The following GRM1 variants were observed in gnomAD, a reference collection of about 807,000 sequenced individuals.
The protein encoded by GRM1 is glutamate metabotropic receptor 1, also known as metabotropic glutamate receptor 1.
GRM1 carries 33 observed loss-of-function variants against 90.9 expected under a neutral mutation model. The observed-to-expected ratio is 0.36, with a 90% CI of 0.28 to 0.49. The LOEUF (loss-of-function observed/expected upper bound fraction) is 0.49. Ranked by LOEUF, GRM1 falls within the 20% of genes least tolerant of loss-of-function variation. The pLI is 0.99. For synonymous variants in GRM1, 700 were observed against 613.2 expected, an observed-to-expected ratio of 1.14 and a Z score of -2.09; for missense variants, 1,190 against 1,534.3, an observed-to-expected ratio of 0.78 and a Z score of 3.75.
At chr6:146,335,653 C>T (rs568574539) in intron 3 of GRM1, among the ~76,000 whole-genome samples, 1 of 152,266 alleles carries the variant, frequency 6.6e-6, no homozygotes, top group East Asian at 1.9e-4. Flanking sequence ...GTTCAAGACA[C>T]TTTCCCAGGG....
intron 5 of GRM1, 136 bp downstream of exon 5, chr6:146,357,830 A>G: frequency 1.4e-6 from 1 of 738,356 alleles, no homozygotes; most frequent in East Asian, 2.7e-5. Context: ...TTGGCTCTTG[A>G]GTTTAGGTAA....
intron 5 of GRM1, among the ~76,000 whole-genome samples, chr6:146,379,628 T>C (rs1298433883): frequency 1.3e-5 from 2 of 152,176 alleles, no homozygotes; most frequent in African/African-American, 4.8e-5. Flanking sequence ...ATGGTGTTGA[T>C]GCTAGTACAT....
chr6:146,216,788 T>A (rs963318398), intron 2 of GRM1, among the ~76,000 whole-genome samples: 1 of 152,138 alleles, frequency 6.6e-6, no homozygotes, highest in African/African-American at 2.4e-5. Flanking sequence ...TTGAGAACAT[T>A]TCATTGGCAG....
intron 2 of GRM1, among the ~76,000 whole-genome samples, chr6:146,198,862 G>T (rs1779208585): frequency 6.6e-6 from 1 of 152,208 alleles, no homozygotes; most frequent in Non-Finnish European, 1.5e-5. Flanking sequence ...TTCCAGATCT[G>T]AAAATTGGCT....
chr6:146,137,294 T>C (rs1189848212), intron 1 of GRM1, among the ~76,000 whole-genome samples: 1 of 152,222 alleles, frequency 6.6e-6, no homozygotes, highest in Non-Finnish European at 1.5e-5. Context: ...GCTTTATAAT[T>C]TGAGGTCTTA....
intron 7 of GRM1, chr6:146,426,586 C>A (rs1283284987): frequency 6.2e-7 from 1 of 1,612,394 alleles, no homozygotes; most frequent in Admixed American, 1.7e-5. Flanking sequence ...TCTCGCCCAC[C>A]AGCCAATGTC....
chr6:146,045,462 C>T (rs563231524), intron 1 of GRM1, among the ~76,000 whole-genome samples: 45 of 151,924 alleles, frequency 3.0e-4, no homozygotes, highest in Non-Finnish European at 4.6e-4. Context: ...AGTAGGGATT[C>T]GGACACTGTA....
chr6:146,267,702 G>GCTCGT (rs1185232840), intron 2 of GRM1, among the ~76,000 whole-genome samples: 3,125 of 85,982 alleles, frequency 0.036, 102 homozygotes, highest in East Asian at 0.07. Context: ...GCTCGGCTCG[G>GCTCGT]CTCGTCTCGT....
intron 2 of GRM1, among the ~76,000 whole-genome samples, chr6:146,302,918 A>G (rs949705328): frequency 2.6e-5 from 4 of 151,962 alleles, no homozygotes; most frequent in African/African-American, 9.7e-5. Flanking sequence ...GGGAGGAAGG[A>G]AGGAAGGAAG....
In GRM1 at chr6:146,218,537, C is replaced by T. The variant is rs185897796; in HGVS notation, c.950+58940C>T. Among the ~76,000 whole-genome samples the T allele has an allele frequency of 8.1e-4, 124 of 152,154 alleles. 1 individual carries two copies. Among genetic ancestry groups the T allele is most frequent in the African/African-American group, 2.9e-3 (121 of 41,516 alleles). On this transcript the variant is annotated intron_variant, in intron 2 of 7. Coordinates refer to ENST00000282753, the MANE Select transcript of GRM1 (RefSeq NM_001278064.2). ...AAATGATACATAAATAAGTGATGTGCTTGCAAGATTCTGACAAAGTCAGTT... is the reference window on the plus strand; with the variant it reads ...AAATGATACATAAATAAGTGATGTGTTTGCAAGATTCTGACAAAGTCAGTT...
chr6:146,172,996 A>G (rs78614758), intron 2 of GRM1, among the ~76,000 whole-genome samples: 451 of 152,284 alleles, frequency 3.0e-3, no homozygotes, highest in African/African-American at 0.011. Flanking sequence ...GACCCAGGAG[A>G]GTGAGCGAAT....
At chr6:146,232,672 A>G (rs1394607992) in intron 2 of GRM1, among the ~76,000 whole-genome samples, 1 of 151,970 alleles carries the variant, frequency 6.6e-6, no homozygotes, top group Non-Finnish European at 1.5e-5. Flanking sequence ...CCTGCCCTCC[A>G]GCCCCCCAAT....
chr6:146,236,784 T>C (rs924866629), intron 2 of GRM1, among the ~76,000 whole-genome samples: 2 of 150,896 alleles, frequency 1.3e-5, no homozygotes, highest in African/African-American at 5.0e-5. Context: ...AGGATCCAGG[T>C]AGGCCTTCAT....
intron 3 of GRM1, among the ~76,000 whole-genome samples, chr6:146,327,101 C>T (rs557517979): frequency 1.6e-4 from 25 of 152,192 alleles, no homozygotes; most frequent in Middle Eastern, 6.8e-3. Context: ...AGTTTTGATA[C>T]GTTATTAACT....
chr6:146,323,526 T>A (rs1027600686), intron 3 of GRM1, among the ~76,000 whole-genome samples: 2 of 152,170 alleles, frequency 1.3e-5, no homozygotes, highest in Non-Finnish European at 2.9e-5. Context: ...AAAAATTTTC[T>A]CCCATTCTGT....
intron 1 of GRM1, among the ~76,000 whole-genome samples, chr6:146,116,398 A>T (rs1442439910): frequency 1.3e-5 from 2 of 152,214 alleles, no homozygotes; most frequent in Non-Finnish European, 2.9e-5. Flanking sequence ...ACAACACTGA[A>T]TCATATTAAT....
chr6:146,402,284 G>A (rs1475329222), intron 7 of GRM1, among the ~76,000 whole-genome samples: 1 of 152,114 alleles, frequency 6.6e-6, no homozygotes, highest in Non-Finnish European at 1.5e-5. Context: ...GAGGGTATTT[G>A]AGGCTAACCT....
At chr6:146,301,055 ACT>A (rs1491206522) in intron 2 of GRM1, among the ~76,000 whole-genome samples, 1 of 152,174 alleles carries the variant, frequency 6.6e-6, no homozygotes, top group Non-Finnish European at 1.5e-5. Context: ...TTTTCTAGTG[ACT>A]TTTTTTCATG....
intron 2 of GRM1, among the ~76,000 whole-genome samples, chr6:146,211,347 G>GA (rs58945695): frequency 0.24 from 30,653 of 125,214 alleles, 6,474 homozygotes; most frequent in African/African-American, 0.58. Flanking sequence ...TCTAATGATA[G>GA]AAAAAAAAAA....
Sources: allele counts gnomAD v4.1 joint callset (sites outside exome capture counted in the v4.1 genomes callset), GRCh38; gene constraint gnomAD v4.1.1; transcripts MANE v1.5; gene names NCBI Gene and HGNC (gene_info 2026-07-23, HGNC 2026-07-21).